CDYL2: variants seen among roughly 807,000 people sequenced by gnomAD.
CDYL2 encodes chromodomain Y-like protein 2.
Under a neutral mutation model 49.4 loss-of-function variants are expected in CDYL2, and 23 were observed. That is an observed-to-expected ratio of 0.47 (90% CI 0.34 to 0.66). The LOEUF (loss-of-function observed/expected upper bound fraction) is 0.66, where lower values mean the gene tolerates loss of function less well. Ranked by LOEUF, CDYL2 falls within the 30% of genes least tolerant of loss-of-function variation. The pLI is 0.01. For synonymous variants in CDYL2, 360 were observed against 268.8 expected, an observed-to-expected ratio of 1.34 and a Z score of -3.32; for missense variants, 678 against 656.4, an observed-to-expected ratio of 1.03 and a Z score of -0.36.
At chr16:80,770,559 A>T (rs1446187353) in intron 1 of CDYL2, among the ~76,000 whole-genome samples, 1 of 152,240 alleles carries the variant, frequency 6.6e-6, no homozygotes, top group Non-Finnish European at 1.5e-5. Context: ...CCCACAAAAA[A>T]AAATAGAATT....
At chr16:80,679,825 G>A (rs1034098431) in intron 2 of CDYL2, 2 of 454,816 alleles carry the variant, frequency 4.4e-6, no homozygotes, top group African/African-American at 2.0e-5. Flanking sequence ...GGGCTCACTG[G>A]ACCAATAGCA....
At chr16:80,694,305 C>T (rs947036003) in intron 1 of CDYL2, among the ~76,000 whole-genome samples, 4 of 152,214 alleles carry the variant, frequency 2.6e-5, no homozygotes, top group Non-Finnish European at 4.4e-5. Flanking sequence ...CTGTGTGGCC[C>T]GGTTCCTAAC....
intron 1 of CDYL2, among the ~76,000 whole-genome samples, chr16:80,695,515 A>G (rs921316278): frequency 2.0e-5 from 3 of 152,244 alleles, no homozygotes; most frequent in Non-Finnish European, 4.4e-5. Flanking sequence ...AATTCACTTC[A>G]CCTGTAAAGA....
chr16:80,652,844 T>C (rs1344703364), intron 2 of CDYL2, among the ~76,000 whole-genome samples: 1 of 152,060 alleles, frequency 6.6e-6, no homozygotes, highest in Non-Finnish European at 1.5e-5. Flanking sequence ...TTCTACAAAA[T>C]ACCAAGCAGC....
intron 2 of CDYL2, among the ~76,000 whole-genome samples, chr16:80,646,509 G>C (rs1433184929): frequency 6.6e-6 from 1 of 151,852 alleles, no homozygotes; most frequent in Non-Finnish European, 1.5e-5. Flanking sequence ...ACAAGACCCA[G>C]GTCGGGCGTG....
chr16:80,702,013 G>C (rs772556878), intron 1 of CDYL2, among the ~76,000 whole-genome samples: 3 of 152,176 alleles, frequency 2.0e-5, no homozygotes, highest in Non-Finnish European at 2.9e-5. Flanking sequence ...CGGAAACAAA[G>C]TAGCATCAAA....
intron 1 of CDYL2, among the ~76,000 whole-genome samples, chr16:80,734,483 T>C (rs1905446015): frequency 6.6e-6 from 1 of 152,178 alleles, no homozygotes; most frequent in East Asian, 1.9e-4. Flanking sequence ...ATGGTGTGGA[T>C]CTAGAGTAGC....
chr16:80,694,161 A>C (rs1910529863), intron 1 of CDYL2, among the ~76,000 whole-genome samples: 1 of 152,218 alleles, frequency 6.6e-6, no homozygotes, highest in Non-Finnish European at 1.5e-5. Context: ...CTCATAAGAA[A>C]CACGCAACCC....
intron 1 of CDYL2, among the ~76,000 whole-genome samples, chr16:80,754,209 T>C (rs1906231637): frequency 6.6e-6 from 1 of 152,244 alleles, no homozygotes. Context: ...GACAAACTAA[T>C]CAATCCTTGC....
intron 1 of CDYL2, among the ~76,000 whole-genome samples, chr16:80,780,913 C>G (rs1455032442): frequency 6.6e-6 from 1 of 152,080 alleles, no homozygotes; most frequent in Non-Finnish European, 1.5e-5. Context: ...GTTAATAAAT[C>G]AAGAGGTATT....
chr16:80,804,788 T>G (rs1230549157), upstream of CDYL2, among the ~76,000 whole-genome samples: 1 of 142,138 alleles, frequency 7.0e-6, no homozygotes, highest in African/African-American at 2.5e-5. Context: ...GCCCGCCGGG[T>G]GCGCCCGATC....
At chr16:80,794,563 G>A (rs1301174394) in intron 1 of CDYL2, among the ~76,000 whole-genome samples, 5 of 146,566 alleles carry the variant, frequency 3.4e-5, no homozygotes, top group East Asian at 2.0e-4. Context: ...AACCATATAC[G>A]ATTGTTGAGT....
At chr16:80,774,847 G>A (rs1474276755) in intron 1 of CDYL2, among the ~76,000 whole-genome samples, 2 of 151,410 alleles carry the variant, frequency 1.3e-5, no homozygotes, top group Non-Finnish European at 2.9e-5. Context: ...GATACATGAA[G>A]AGGCCAGGAT....
chr16:80,692,914 C>G (rs1910473861), intron 1 of CDYL2, among the ~76,000 whole-genome samples: 1 of 152,064 alleles, frequency 6.6e-6, no homozygotes, highest in African/African-American at 2.4e-5. Context: ...ACAGACAAAA[C>G]CTGGAGAAAT....
At chr16:80,685,489 G>A (rs906801615) in intron 1 of CDYL2, among the ~76,000 whole-genome samples, 10 of 152,162 alleles carry the variant, frequency 6.6e-5, no homozygotes, top group Non-Finnish European at 8.8e-5. Context: ...GTAGATGCAG[G>A]CTATTAAAGA....
chr16:80,638,650 C>T (rs1284587237), intron 2 of CDYL2, among the ~76,000 whole-genome samples: 2 of 151,874 alleles, frequency 1.3e-5, no homozygotes, highest in South Asian at 2.1e-4. Context: ...ATATGATAGA[C>T]GACCCAGAAA....
chr16:80,767,358 A>G (rs1906761691), intron 1 of CDYL2, among the ~76,000 whole-genome samples: 1 of 152,164 alleles, frequency 6.6e-6, no homozygotes, highest in Non-Finnish European at 1.5e-5. Context: ...AAATATACTA[A>G]GCTGAATTTC....
At chr16:80,657,496 A>G (rs1260099862) in intron 2 of CDYL2, among the ~76,000 whole-genome samples, 1 of 152,216 alleles carries the variant, frequency 6.6e-6, no homozygotes, top group African/African-American at 2.4e-5. Context: ...CCACAGCATT[A>G]CACAAAAATG....
chr16:80,621,965 C>G (rs530458852), intron 3 of CDYL2, among the ~76,000 whole-genome samples: 210 of 152,316 alleles, frequency 1.4e-3, no homozygotes, highest in African/African-American at 4.9e-3. Flanking sequence ...GGGTTCCAGC[C>G]TCCCCAACAC....
Sources: gnomAD v4.1 joint callset for allele counts (sites outside exome capture counted in the v4.1 genomes callset) on GRCh38, gnomAD v4.1.1 for gene constraint, MANE v1.5 for transcripts, NCBI Gene and HGNC (gene_info 2026-07-23, HGNC 2026-07-21) for gene names.